The following C12orf42 variants were observed in gnomAD, a reference collection of about 807,000 sequenced individuals.
The protein encoded by C12orf42 is uncharacterized protein C12orf42.
Under a neutral mutation model 21.6 loss-of-function variants are expected in C12orf42, and 25 were observed. That is an observed-to-expected ratio of 1.16 (90% CI 0.84 to 1.62). C12orf42 has a LOEUF of 1.62. Ranked by LOEUF, C12orf42 falls within the 40% of genes most tolerant of loss-of-function variation. The pLI is 0.00. For synonymous variants in C12orf42, 174 were observed against 175.0 expected, an observed-to-expected ratio of 0.99 and a Z score of 0.05; for missense variants, 483 against 459.3, an observed-to-expected ratio of 1.05 and a Z score of -0.47.
chr12:103,097,550 A>G, the C12orf42 span, among the ~76,000 whole-genome samples: 2 of 152,234 alleles, frequency 1.3e-5, no homozygotes, highest in African/African-American at 2.4e-5. Context: ...ATGAGAAAAT[A>G]TAGAAAAATG....
chr12:103,456,854 A>C (rs1176546352), intron 2 of C12orf42, among the ~76,000 whole-genome samples: 2 of 152,162 alleles, frequency 1.3e-5, no homozygotes, highest in African/African-American at 4.8e-5. Context: ...TACTAAATCA[A>C]ATTAATAAAC....
intron 2 of C12orf42, among the ~76,000 whole-genome samples, chr12:103,436,434 C>G (rs1022012574): frequency 4.9e-4 from 74 of 151,878 alleles, no homozygotes; most frequent in African/African-American, 1.5e-3. Flanking sequence ...ACTAAATGCT[C>G]CAATTAAAAG....
At chr12:103,195,528 A>G in the C12orf42 span, among the ~76,000 whole-genome samples, 3 of 152,066 alleles carry the variant, frequency 2.0e-5, no homozygotes, top group Non-Finnish European at 4.4e-5. Context: ...TTTGATTTGC[A>G]TTTATATTAT....
intron 2 of C12orf42, among the ~76,000 whole-genome samples, chr12:103,409,958 C>T (rs918093003): frequency 7.2e-5 from 11 of 152,144 alleles, no homozygotes; most frequent in African/African-American, 2.7e-4. Flanking sequence ...TCTTGAATGT[C>T]TAATTGCAAA....
chr12:103,244,416 T>C (rs2033912562), intron 10 of C12orf42, among the ~76,000 whole-genome samples: 1 of 152,044 alleles, frequency 6.6e-6, no homozygotes, highest in Non-Finnish European at 1.5e-5. Flanking sequence ...TAGGCAGTGA[T>C]GGTACTCACT....
chr12:103,472,343 C>T (rs780672350), intron 2 of C12orf42, among the ~76,000 whole-genome samples: 3 of 151,972 alleles, frequency 2.0e-5, no homozygotes, highest in South Asian at 2.1e-4. Flanking sequence ...CGTGAGCCAC[C>T]GCACCCAGCC....
intron 4 of C12orf42, among the ~76,000 whole-genome samples, chr12:103,311,636 A>C (rs2038982272): frequency 6.6e-6 from 1 of 152,188 alleles, no homozygotes; most frequent in African/African-American, 2.4e-5. Context: ...CAAATCTACC[A>C]TTCTAGATAG....
intron 4 of C12orf42, among the ~76,000 whole-genome samples, chr12:103,348,580 A>G (rs1388994672): frequency 2.0e-5 from 3 of 152,204 alleles, no homozygotes; most frequent in Admixed American, 2.0e-4. Context: ...TAAGCATAAT[A>G]GGTACTTTTC....
the C12orf42 span, among the ~76,000 whole-genome samples, chr12:103,524,969 G>GC: frequency 6.7e-6 from 1 of 150,298 alleles, no homozygotes; most frequent in Non-Finnish European, 1.5e-5. Flanking sequence ...TTTTGGGGGG[G>GC]GGGCAGGGGG....
At chr12:103,325,063 A>G (rs535827854) in intron 4 of C12orf42, among the ~76,000 whole-genome samples, 273 of 152,354 alleles carry the variant, frequency 1.8e-3, no homozygotes, top group African/African-American at 6.3e-3. Flanking sequence ...TTATCCAAAC[A>G]AAACAGTTGG....
chr12:103,374,353 G>A (rs956498612), intron 3 of C12orf42, among the ~76,000 whole-genome samples: 4 of 152,106 alleles, frequency 2.6e-5, no homozygotes, highest in East Asian at 1.9e-4. Flanking sequence ...CAGAACCAGC[G>A]AGATATAATG....
chr12:103,269,273 C>A (rs897461006), intron 6 of C12orf42, among the ~76,000 whole-genome samples: 1 of 152,004 alleles, frequency 6.6e-6, no homozygotes, highest in Admixed American at 6.6e-5. Context: ...AGGAAGGAAG[C>A]GGATGACGTA....
At chr12:103,445,614 CT>C (rs1471772380) in intron 2 of C12orf42, among the ~76,000 whole-genome samples, 1 of 151,830 alleles carries the variant, frequency 6.6e-6, no homozygotes, top group Non-Finnish European at 1.5e-5. Context: ...TTGTGGTTTG[CT>C]TTTTTTATAA....
chr12:103,158,395 G>A, the C12orf42 span, among the ~76,000 whole-genome samples: 1 of 152,152 alleles, frequency 6.6e-6, no homozygotes, highest in African/African-American at 2.4e-5. Context: ...ACTCAGCACT[G>A]TAGAGACTTG....
chr12:103,154,025 CAAAAAA>C, the C12orf42 span, among the ~76,000 whole-genome samples: 8,521 of 51,494 alleles, frequency 0.17, 210 homozygotes, highest in South Asian at 0.24. Context: ...CAAATCTCAG[CAAAAAA>C]AAAAAAAAAA....
At chr12:103,395,531 T>C (rs139571461) in intron 3 of C12orf42, among the ~76,000 whole-genome samples, 1 of 152,214 alleles carries the variant, frequency 6.6e-6, no homozygotes, top group African/African-American at 2.4e-5. Flanking sequence ...GAGACTTGGT[T>C]TCACTGTGTT....
intron 3 of C12orf42, among the ~76,000 whole-genome samples, chr12:103,388,138 G>A (rs1471523088): frequency 6.6e-6 from 1 of 152,190 alleles, no homozygotes; most frequent in Non-Finnish European, 1.5e-5. Context: ...GTGGAGCTTT[G>A]CAGGAGAAAA....
rs1319444098 is a variant in C12orf42, at chr12:103,368,115, G to T, written c.259+772C>A. The T allele has an allele frequency of 4.9e-6, 6 of 1,213,360 alleles. No homozygotes were observed. In the East Asian group the frequency reaches 3.4e-4, roughly 69 times the overall value. The allele number at this position is 1,213,360 out of a possible 1,614,324, so 75.2% of individuals were successfully genotyped here. A position where few individuals can be genotyped will look rare whatever the true frequency, so the allele number is the denominator to read the frequency against. On this transcript the variant is annotated intron_variant, in intron 4 of 5. Coordinates refer to ENST00000548883, the MANE Select transcript of C12orf42 (RefSeq NM_198521.5). Reference sequence around the variant, plus strand: ...AGGTCAGTGAAATGGTCCTAAAAATGGAGTTTATGGACAGTCGCAGGTTGT... The same window carrying T: ...AGGTCAGTGAAATGGTCCTAAAAATTGAGTTTATGGACAGTCGCAGGTTGT...
chr12:103,199,102 G>A, the C12orf42 span, among the ~76,000 whole-genome samples: 1 of 151,996 alleles, frequency 6.6e-6, no homozygotes, highest in African/African-American at 2.4e-5. Flanking sequence ...TGGTTCTGGT[G>A]GCAAAACAGA....
Sources: gnomAD v4.1 joint callset for allele counts (sites outside exome capture counted in the v4.1 genomes callset) on GRCh38, gnomAD v4.1.1 for gene constraint, MANE v1.5 for transcripts, NCBI Gene and HGNC (gene_info 2026-07-23, HGNC 2026-07-21) for gene names.